The following KYNU variants were observed in gnomAD, a reference collection of about 807,000 sequenced individuals.
The protein encoded by KYNU is kynureninase, also known as L-kynurenine hydrolase.
In KYNU, 54 loss-of-function variants were observed where a neutral mutation model predicts 59.2. The ratio of observed to expected loss-of-function variants is 0.91; its 90% CI spans 0.73 to 1.14. KYNU has a LOEUF of 1.14. Ranked by LOEUF, KYNU falls within the 50% of genes most tolerant of loss-of-function variation. The probability of loss-of-function intolerance (pLI) is 0.00; values close to 1 mark genes in which losing one functional copy is unlikely to be tolerated. For synonymous variants in KYNU, 177 were observed against 192.0 expected (o/e 0.92, Z 0.65); for missense variants, 567 against 554.4 (o/e 1.02, Z -0.23).
At chr2:142,958,970 TTTTC>T (rs1287182364) in intron 7 of KYNU, among the ~76,000 whole-genome samples, 1 of 133,000 alleles carries the variant, frequency 7.5e-6, no homozygotes, top group Non-Finnish European at 1.8e-5. Context: ...AATGACATTC[TTTTC>T]TTTATATAAA....
chr2:142,922,099 A>G (rs771096792), intron 3 of KYNU, among the ~76,000 whole-genome samples: 1 of 152,136 alleles, frequency 6.6e-6, no homozygotes, highest in Non-Finnish European at 1.5e-5. Flanking sequence ...TTTCTTCTTG[A>G]CCAATGGAAG....
At chr2:142,916,708 G>A (rs1682679026) in intron 2 of KYNU, among the ~76,000 whole-genome samples, 1 of 152,184 alleles carries the variant, frequency 6.6e-6, no homozygotes, top group Admixed American at 6.6e-5. Flanking sequence ...CCTCTAATAA[G>A]ATCAGGCTAA....
intron 8 of KYNU, among the ~76,000 whole-genome samples, chr2:142,969,996 C>T (rs562806613): frequency 1.3e-5 from 2 of 152,200 alleles, no homozygotes; most frequent in South Asian, 4.1e-4. Context: ...ATGTACACAT[C>T]AGTTCTAATT....
chr2:143,033,666 A>T (rs1466319069), intron 12 of KYNU, among the ~76,000 whole-genome samples: 2 of 152,242 alleles, frequency 1.3e-5, no homozygotes, highest in Non-Finnish European at 2.9e-5. Context: ...CCAAATAAGC[A>T]TGCAATATTT....
intron 10 of KYNU, among the ~76,000 whole-genome samples, chr2:143,012,352 G>T (rs539631682): frequency 6.6e-6 from 1 of 152,000 alleles, no homozygotes; most frequent in South Asian, 2.1e-4. Context: ...GCCTAGTGGT[G>T]CATGCCTGTA....
rs922530674 is a variant in KYNU, at chr2:143,043,804, A to AAT, written c.*1640_*1641dup. On this transcript the variant is annotated 3_prime_UTR_variant, in exon 14 of 14. Transcript: ENST00000264170. ...ATTTATATTTTAATATATTTATATA[A>AAT]ATATATATAAAGTATAATATATATA... 2.9e-4 allele frequency: 43 copies of AAT among 146,826 alleles called. No individual in the cohort carries two copies. The highest frequency in any genetic ancestry group is 5.2e-4 in the Non-Finnish European group (35 of 66,898). The allele number at this position is 146,826 out of a possible 1,614,324, so 9.1% of individuals were successfully genotyped here. A position where few individuals can be genotyped will look rare whatever the true frequency, so the allele number is the denominator to read the frequency against.
At chr2:143,037,758 A>G (rs1453228867) in intron 12 of KYNU, among the ~76,000 whole-genome samples, 6 of 152,144 alleles carry the variant, frequency 3.9e-5, no homozygotes, top group Admixed American at 3.9e-4. Context: ...TTATTTTCTC[A>G]ATATTGAAAG....
chr2:143,022,731 G>A (rs1573908291), intron 10 of KYNU, among the ~76,000 whole-genome samples: 1 of 152,030 alleles, frequency 6.6e-6, no homozygotes, highest in East Asian at 1.9e-4. Flanking sequence ...GGATTAGGAT[G>A]AATAAGTAAT....
At chr2:142,964,346 ATATT>A (rs1423448998) in intron 8 of KYNU, among the ~76,000 whole-genome samples, 1 of 152,116 alleles carries the variant, frequency 6.6e-6, no homozygotes, top group Admixed American at 6.6e-5. Context: ...AGGTATTTGT[ATATT>A]TATTTCTAAT....
In KYNU at chr2:143,029,621, T is replaced by C. The variant is rs778268723; in HGVS notation, c.903-6T>C. 3 of 1,589,532 alleles carry C rather than the reference T, an allele frequency of 1.9e-6. No individual in the cohort carries two copies. Among genetic ancestry groups the C allele is most frequent in the Non-Finnish European group, 1.7e-6 (2 of 1,157,642 alleles). On this transcript the variant is annotated splice_polypyrimidine_tract_variant and splice_region_variant and intron_variant, in intron 10 of 13. Coordinates refer to ENST00000264170, the MANE Select transcript of KYNU (RefSeq NM_003937.3). The stretch of plus-strand genomic sequence containing the variant: ...CAAAAACCTAATGTTTTTATTTATA[T>C]TTTAGATTAGTGGGATGGTTTGGCC...
chr2:142,938,169 G>A (rs1353480205), intron 4 of KYNU, among the ~76,000 whole-genome samples: 3 of 152,056 alleles, frequency 2.0e-5, no homozygotes, highest in Non-Finnish European at 4.4e-5. Context: ...TTTTTATTAT[G>A]TCACATTTAT....
rs1687118482 is a variant in KYNU at position 143,043,735 on chromosome 2, T to A, written c.*1563T>A. ...TCATATACATATATAAAAATATATA[T>A]AAATATATATACTTTATATATATTT... On this transcript the variant is annotated 3_prime_UTR_variant, in exon 14 of 14. Transcript: ENST00000264170. The A allele has an allele frequency of 6.8e-6, 1 of 146,710 alleles. No individual in the cohort carries two copies. The highest frequency in any genetic ancestry group is 2.5e-5 in the African/African-American group (1 of 40,402). 9.1% of individuals were successfully genotyped at this position (146,710 alleles called of 1,614,324 possible).
At chr2:142,966,993 AG>A (rs1453242161) in intron 8 of KYNU, among the ~76,000 whole-genome samples, 2 of 152,036 alleles carry the variant, frequency 1.3e-5, no homozygotes, top group Admixed American at 6.6e-5. Flanking sequence ...AAAAAAGAAA[AG>A]AATAATCTAA....
At chr2:142,883,347 ACCTCG>A (rs1432495970) in intron 1 of KYNU, among the ~76,000 whole-genome samples, 1 of 150,542 alleles carries the variant, frequency 6.6e-6, no homozygotes, top group Non-Finnish European at 1.5e-5. Context: ...GGCGCCCGCC[ACCTCG>A]CACGGCTAAT....
Position 143,049,034 on chromosome 2 carries a change from G to A in KYNU, c.*6862G>A, listed in dbSNP as rs192836993. 1 of 151,816 alleles carries A rather than the reference G, an allele frequency of 6.6e-6. No homozygotes were observed. The highest frequency in any genetic ancestry group is 1.9e-4 in the East Asian group (1 of 5,184). The allele number at this position is 151,816 out of a possible 1,614,324, so 9.4% of individuals were successfully genotyped here. On this transcript the variant is annotated 3_prime_UTR_variant, in exon 14 of 14. Coordinates refer to ENST00000264170, the MANE Select transcript of KYNU (RefSeq NM_003937.3). Reference sequence around the variant, plus strand: ...TATTTGCTGTCTATCCAAGATTTGAGGATTAATTTTTTAATTTCTAGAAAA... The same window carrying A: ...TATTTGCTGTCTATCCAAGATTTGAAGATTAATTTTTTAATTTCTAGAAAA...
rs200152625 is a variant in KYNU at position 142,937,488 on chromosome 2, T to TA, written c.373+9758dup. Reference sequence around the variant, plus strand: ...CCCCATCACGTGCAGAACACACTGTTAAAAAAAAAAATCATGAGCCAAACT... The same window carrying TA: ...CCCCATCACGTGCAGAACACACTGTTAAAAAAAAAAAATCATGAGCCAAACT... On this transcript the variant is annotated intron_variant, in intron 4 of 13. Coordinates refer to ENST00000264170, the MANE Select transcript of KYNU (RefSeq NM_003937.3). 2.4e-3 allele frequency among the ~76,000 whole-genome samples: 349 copies of TA among 145,520 alleles called. 3 individuals carry two copies. The highest frequency in any genetic ancestry group is 3.5e-3 in the Non-Finnish European group (230 of 65,086).
rs537302771 is a variant in KYNU, at chr2:143,019,450, T to A, written c.903-10177T>A. 7.9e-5 allele frequency among the ~76,000 whole-genome samples: 12 copies of A among 152,258 alleles called. No homozygotes were observed. In the East Asian group the frequency reaches 2.1e-3, roughly 27 times the overall value. On this transcript the variant is annotated intron_variant, in intron 10 of 13. Coordinates refer to ENST00000264170, the MANE Select transcript of KYNU (RefSeq NM_003937.3). The stretch of plus-strand genomic sequence containing the variant: ...ATTATGACATTTACTGATTTGTGTA[T>A]GTTGATGGCTCAAGCATGTTGGATG...
intron 10 of KYNU, among the ~76,000 whole-genome samples, chr2:142,995,358 T>G (rs759236356): frequency 8.5e-5 from 13 of 152,104 alleles, no homozygotes; most frequent in South Asian, 6.2e-4. Context: ...GAGTAAGATT[T>G]GAAGAGGTAA....
intron 1 of KYNU, among the ~76,000 whole-genome samples, chr2:142,882,974 C>T (rs1193415339): frequency 2.0e-5 from 3 of 152,144 alleles, no homozygotes; most frequent in African/African-American, 4.8e-5. Context: ...TGTTTCTCCA[C>T]ATCCTCTCCA....
Sources: allele counts gnomAD v4.1 joint callset (sites outside exome capture counted in the v4.1 genomes callset), GRCh38; gene constraint gnomAD v4.1.1; transcripts MANE v1.5; gene names NCBI Gene and HGNC (gene_info 2026-07-23, HGNC 2026-07-21).